COX17: variants seen among roughly 807,000 people sequenced by gnomAD.
COX17 encodes the protein cytochrome c oxidase copper chaperone COX17, also known as cytochrome c oxidase copper chaperone.
In COX17, 1 loss-of-function variant was observed where a neutral mutation model predicts 6.3. The ratio of observed to expected loss-of-function variants is 0.16; its 90% confidence interval spans 0.06 to 0.75. COX17 has a LOEUF of 0.75. Among genes scored for constraint, COX17 ranks in the 30% least tolerant of loss-of-function variants. The pLI, the probability that COX17 is intolerant of heterozygous loss-of-function variation, is 0.77. For synonymous variants in COX17, 26 were observed against 30.5 expected, an observed-to-expected ratio of 0.85 and a Z score of 0.49; for missense variants, 73 against 81.2, an observed-to-expected ratio of 0.90 and a Z score of 0.39.
intron 2 of COX17, among the ~76,000 whole-genome samples, chr3:119,671,754 A>T (rs2107833524): frequency 6.6e-6 from 1 of 152,340 alleles, no homozygotes; most frequent in African/African-American, 2.4e-5. Flanking sequence ...TGAAGTGTAA[A>T]GTGCCTGTGA....
At chr3:119,663,989 G>A (rs2052971399) in intron 3 of COX17, among the ~76,000 whole-genome samples, 2 of 152,176 alleles carry the variant, frequency 1.3e-5, no homozygotes, top group African/African-American at 4.8e-5. Context: ...CTCATTTGTT[G>A]AGCTGATTCA....
chr3:119,676,431 A>T (rs889597097), intron 1 of COX17, among the ~76,000 whole-genome samples: 1 of 152,254 alleles, frequency 6.6e-6, no homozygotes, highest in Non-Finnish European at 1.5e-5. Context: ...AGAGATGCAC[A>T]TTCACGTTAT....
downstream of COX17, among the ~76,000 whole-genome samples, chr3:119,665,920 G>A (rs77168644): frequency 0.021 from 3,231 of 152,230 alleles, 44 homozygotes; most frequent in Middle Eastern, 0.071. Flanking sequence ...GAATTATTTT[G>A]CTCTACCAAT....
chr3:119,673,599 C>A (rs1480747679), intron 2 of COX17, among the ~76,000 whole-genome samples: 1 of 152,100 alleles, frequency 6.6e-6, no homozygotes, highest in Non-Finnish European at 1.5e-5. Context: ...TAGGACAGCA[C>A]CATGATAGAG....
At chr3:119,676,571 T>C (rs533020141) in intron 1 of COX17, among the ~76,000 whole-genome samples, 39 of 152,184 alleles carry the variant, frequency 2.6e-4, no homozygotes, top group Non-Finnish European at 4.1e-4. Flanking sequence ...GACTGATTGA[T>C]TTTCAACTTT....
Position 119,675,201 on chromosome 3 carries a change from T to G in COX17, c.140A>C (p.His47Pro). The G allele has an allele frequency of 6.2e-7, 1 of 1,613,220 alleles. No individual in the cohort carries two copies. Among genetic ancestry groups the G allele is most frequent in the Non-Finnish European group, 8.5e-7 (1 of 1,179,242 alleles). ...GCATTCCTTGTGGGCCTCAATTAGA[T>G]GTCCACAGTGTTCTTCTCCTTTCTC... Reference protein sequence around the residue: ...IIEKGEEHCGHLIEAHKECMR... With the variant: ...IIEKGEEHCGPLIEAHKECMR... Residue 47 changes from histidine to proline, a missense_variant, in exon 2 of 3, where the codon CAT (histidine) becomes CCT (proline). Transcript: ENST00000261070.
intron 2 of COX17, among the ~76,000 whole-genome samples, chr3:119,672,965 A>G (rs2053059886): frequency 6.6e-6 from 1 of 152,232 alleles, no homozygotes; most frequent in Non-Finnish European, 1.5e-5. Flanking sequence ...CCTTTTTTAT[A>G]GCTCAGTGAG....
intron 2 of COX17, among the ~76,000 whole-genome samples, chr3:119,674,103 C>CCG (rs1316632663): frequency 1.3e-5 from 2 of 150,766 alleles, no homozygotes; most frequent in Admixed American, 6.6e-5. Flanking sequence ...AGCTGCCGCC[C>CCG]TGTCTGGGAT....
downstream of COX17, among the ~76,000 whole-genome samples, chr3:119,667,728 CAG>C (rs61480242): frequency 0.06 from 4,029 of 67,356 alleles, 156 homozygotes; most frequent in East Asian, 0.31. Flanking sequence ...CACACACACA[CAG>C]AGAGAGAGAG....
At chr3:119,667,963 G>A (rs12632069), downstream of COX17, among the ~76,000 whole-genome samples, 3 of 152,234 alleles carry the variant, frequency 2.0e-5, no homozygotes, top group East Asian at 3.9e-4. Context: ...TTTAATGAAT[G>A]AATGTCCAAA....
downstream of COX17, among the ~76,000 whole-genome samples, chr3:119,667,984 G>GA (rs1181105294): frequency 6.6e-6 from 1 of 151,882 alleles, no homozygotes. Flanking sequence ...TGCGCAAAAA[G>GA]AAAAAATAGG....
chr3:119,675,091 C>T (rs2053085894), intron 2 of COX17, 54 bp downstream of exon 2: 1 of 1,219,992 alleles, frequency 8.2e-7, no homozygotes, highest in African/African-American at 1.5e-5. Context: ...AGAATGTAGC[C>T]CAATTGTTGC....
chr3:119,665,598 TC>T (rs2052986747), downstream of COX17, among the ~76,000 whole-genome samples: 1 of 152,132 alleles, frequency 6.6e-6, no homozygotes, highest in Non-Finnish European at 1.5e-5. Context: ...AGTCTTGAAC[TC>T]CAGGATTCAA....
downstream of COX17, among the ~76,000 whole-genome samples, chr3:119,667,768 G>T (rs1238842777): frequency 6.6e-6 from 1 of 150,978 alleles, no homozygotes; most frequent in African/African-American, 2.4e-5. Flanking sequence ...ATCGAAGAGA[G>T]GTCCTATTGT....
At chr3:119,667,714 CACACACACACACACAGAG>C (rs1427963292), downstream of COX17, among the ~76,000 whole-genome samples, 238 of 114,820 alleles carry the variant, frequency 2.1e-3, 2 homozygotes, top group South Asian at 0.01. Flanking sequence ...CACACACACA[CACACACACACACACAGAG>C]AGAGAGAGAC....
At chr3:119,670,675 G>T (rs2053034594) in intron 2 of COX17, among the ~76,000 whole-genome samples, 1 of 151,984 alleles carries the variant, frequency 6.6e-6, no homozygotes, top group Non-Finnish European at 1.5e-5. Flanking sequence ...ATAAATATCT[G>T]CTGAATGAAC....
chr3:119,663,986 G>C (rs1420270639), intron 3 of COX17, among the ~76,000 whole-genome samples: 1 of 152,240 alleles, frequency 6.6e-6, no homozygotes, highest in Non-Finnish European at 1.5e-5. Flanking sequence ...TTTCTCATTT[G>C]TTGAGCTGAT....
Position 119,673,044 on chromosome 3 carries a change from T to C in COX17, c.*4+2101A>G, listed in dbSNP as rs534796980. Reference sequence around the variant, plus strand: ...TGCAAGGGAAAGAAGCCAGGCTCTCTAGTACTAATATATTGGCATATGGCT... The same window carrying C: ...TGCAAGGGAAAGAAGCCAGGCTCTCCAGTACTAATATATTGGCATATGGCT... On this transcript the variant is annotated intron_variant, in intron 2 of 2. Transcript: ENST00000261070. Among the ~76,000 whole-genome samples the C allele has an allele frequency of 4.4e-4, 67 of 152,312 alleles. 1 individual carries two copies. The South Asian group carries it at 8.3e-3, about 19-fold the overall frequency.
At chr3:119,669,035 C>G (rs538362562), downstream of COX17, among the ~76,000 whole-genome samples, 3 of 152,148 alleles carry the variant, frequency 2.0e-5, no homozygotes, top group East Asian at 5.8e-4. Context: ...AGACAACTGT[C>G]TACCCTGTAG....
Sources: gnomAD v4.1 joint callset for allele counts (sites outside exome capture counted in the v4.1 genomes callset) on GRCh38, gnomAD v4.1.1 for gene constraint, MANE v1.5 for transcripts, NCBI Gene and HGNC (gene_info 2026-07-23, HGNC 2026-07-21) for gene names.